Variants in ADAMTS12 observed in about 807,000 individuals in gnomAD.
ADAMTS12 encodes the protein ADAM metallopeptidase with thrombospondin type 1 motif 12.
Under a neutral mutation model 167.8 loss-of-function variants are expected in ADAMTS12, and 118 were observed. The ratio of observed to expected loss-of-function variants is 0.70; its 90% confidence interval spans 0.61 to 0.82. ADAMTS12 has a LOEUF of 0.82. ADAMTS12 is among the 40% of genes least tolerant of loss of function. The pLI is 0.00. For synonymous variants in ADAMTS12, 704 were observed against 716.9 expected, an observed-to-expected ratio of 0.98 and a Z score of 0.29; for missense variants, 1,916 against 1,998.8, an observed-to-expected ratio of 0.96 and a Z score of 0.79.
intron 5 of ADAMTS12, among the ~76,000 whole-genome samples, chr5:33,666,084 C>T (rs1428334773): frequency 1.3e-5 from 2 of 152,230 alleles, no homozygotes; most frequent in Non-Finnish European, 2.9e-5. Context: ...AGCCTCTAAG[C>T]TCAGTCCTGC....
intron 3 of ADAMTS12, among the ~76,000 whole-genome samples, chr5:33,706,659 G>T (rs973884278): frequency 1.2e-4 from 19 of 152,186 alleles, no homozygotes; most frequent in African/African-American, 3.1e-4. Context: ...TACATTTAAG[G>T]TTAATATTGT....
At chr5:33,848,698 C>T (rs572846618) in intron 2 of ADAMTS12, among the ~76,000 whole-genome samples, 1 of 152,246 alleles carries the variant, frequency 6.6e-6, no homozygotes, top group South Asian at 2.1e-4. Context: ...AGGGAAAATG[C>T]AAGCAGGCTT....
At chr5:33,533,181 A>G (rs571031791) in intron 23 of ADAMTS12, among the ~76,000 whole-genome samples, 3 of 152,368 alleles carry the variant, frequency 2.0e-5, no homozygotes, top group East Asian at 1.9e-4. Context: ...ATTGTCCAGC[A>G]ATAGGACAGT....
chr5:33,832,725 A>T (rs569860309), intron 2 of ADAMTS12, among the ~76,000 whole-genome samples: 1 of 152,260 alleles, frequency 6.6e-6, no homozygotes, highest in African/African-American at 2.4e-5. Context: ...ATTTGAAAGG[A>T]TGGTTACAAA....
chr5:33,667,600 T>C (rs2112229623), intron 5 of ADAMTS12, among the ~76,000 whole-genome samples: 1 of 152,304 alleles, frequency 6.6e-6, no homozygotes, highest in South Asian at 2.1e-4. Context: ...ACAAACTCTG[T>C]TTAGAGCCCC....
chr5:33,869,237 G>A (rs1031927291), intron 2 of ADAMTS12, among the ~76,000 whole-genome samples: 2 of 152,186 alleles, frequency 1.3e-5, no homozygotes, highest in African/African-American at 4.8e-5. Flanking sequence ...CCAGACATAT[G>A]TCAGGCCACT....
intron 5 of ADAMTS12, among the ~76,000 whole-genome samples, chr5:33,662,606 A>G (rs1741296899): frequency 6.6e-6 from 1 of 152,168 alleles, no homozygotes; most frequent in African/African-American, 2.4e-5. Flanking sequence ...GACAACAAGT[A>G]GGATGCTGTA....
At chr5:33,880,393 C>T (rs556525844) in intron 2 of ADAMTS12, among the ~76,000 whole-genome samples, 1 of 152,302 alleles carries the variant, frequency 6.6e-6, no homozygotes, top group South Asian at 2.1e-4. Context: ...GACCAGACAG[C>T]AAATATTGTG....
chr5:33,771,366 C>T (rs1745732211), intron 2 of ADAMTS12, among the ~76,000 whole-genome samples: 1 of 152,038 alleles, frequency 6.6e-6, no homozygotes, highest in Non-Finnish European at 1.5e-5. Context: ...TGAGTGGGTA[C>T]CAGTTATTGC....
chr5:33,559,114 G>A (rs1309204087), intron 20 of ADAMTS12, among the ~76,000 whole-genome samples: 1 of 152,058 alleles, frequency 6.6e-6, no homozygotes, highest in African/African-American at 2.4e-5. Context: ...AACACCTCTG[G>A]GTCCTGTCTG....
At chr5:33,886,535 G>A (rs1298947586) in intron 1 of ADAMTS12, among the ~76,000 whole-genome samples, 1 of 152,226 alleles carries the variant, frequency 6.6e-6, no homozygotes, top group Non-Finnish European at 1.5e-5. Context: ...AAGAAAAGCA[G>A]CTGCTCTTGG....
chr5:33,675,075 C>G (rs1156249218), intron 5 of ADAMTS12, among the ~76,000 whole-genome samples: 4 of 152,128 alleles, frequency 2.6e-5, no homozygotes, highest in African/African-American at 9.7e-5. Context: ...ATGACACTCA[C>G]CAGATGCTGG....
chr5:33,881,553 T>C (rs1206558237), intron 1 of ADAMTS12, 73 bp from the exon 2 acceptor site: 4 of 1,519,762 alleles, frequency 2.6e-6, no homozygotes, highest in Non-Finnish European at 3.5e-6. Context: ...CGTTTGGAAC[T>C]TGAATGCTAG....
At position 33,596,070 on chromosome 5, in the gene ADAMTS12, A is replaced by G. The variant is rs761465721; in HGVS notation, c.2528-10T>C. 4 of 1,613,628 alleles carry G rather than the reference A, an allele frequency of 2.5e-6. No individual in the cohort carries two copies. The highest frequency in any genetic ancestry group is 3.4e-6 in the Non-Finnish European group (4 of 1,179,814). ...GTTTGGCGGCGGATACCTGGGGGTC[A>G]GACAGAAAGATTCACACATATTGAA... On this transcript the variant is annotated splice_polypyrimidine_tract_variant and intron_variant, in intron 16 of 23. Transcript: ENST00000504830.
chr5:33,625,201 A>C (rs1739526342), intron 13 of ADAMTS12, among the ~76,000 whole-genome samples: 1 of 152,168 alleles, frequency 6.6e-6, no homozygotes. Context: ...CACTAACAGA[A>C]AATAGCTTCA....
At chr5:33,668,252 AGT>A (rs1741541131) in intron 5 of ADAMTS12, among the ~76,000 whole-genome samples, 1 of 143,100 alleles carries the variant, frequency 7.0e-6, no homozygotes, top group African/African-American at 2.6e-5. Flanking sequence ...TTTATAATAA[AGT>A]GTTGAATAGC....
rs1031227586 is a variant in ADAMTS12 at position 33,858,675 on chromosome 5, A to G, written c.489+22444T>C. 3.3e-5 allele frequency among the ~76,000 whole-genome samples: 5 copies of G among 151,252 alleles called. 1 individual carries two copies. Among genetic ancestry groups the G allele is most frequent in the Non-Finnish European group, 7.4e-5 (5 of 67,846 alleles). On this transcript the variant is annotated intron_variant, in intron 2 of 23. Transcript: ENST00000504830. ...ATCATCTCAAAAAAAAAAAAAGAAAAGAAAAAAGAAATTGCCAACAACAAA... is the reference window on the plus strand; with the variant it reads ...ATCATCTCAAAAAAAAAAAAAGAAAGGAAAAAAGAAATTGCCAACAACAAA...
intron 2 of ADAMTS12, among the ~76,000 whole-genome samples, chr5:33,845,355 A>G (rs990473265): frequency 2.0e-5 from 3 of 152,230 alleles, no homozygotes; most frequent in Admixed American, 1.3e-4. Context: ...CCCAGAAAGC[A>G]AGAGCATACT....
chr5:33,730,972 T>C (rs1744172717), intron 3 of ADAMTS12, among the ~76,000 whole-genome samples: 1 of 152,168 alleles, frequency 6.6e-6, no homozygotes. Flanking sequence ...CAGTCACACT[T>C]AACTATTTGG....
Sources: gnomAD v4.1 joint callset for allele counts (sites outside exome capture counted in the v4.1 genomes callset) on GRCh38, gnomAD v4.1.1 for gene constraint, MANE v1.5 for transcripts, NCBI Gene and HGNC (gene_info 2026-07-23, HGNC 2026-07-21) for gene names.